The following LAMA2 variants were observed in gnomAD, a reference collection of about 807,000 sequenced individuals.
LAMA2 encodes laminin subunit alpha 2.
LAMA2 carries 269 observed loss-of-function variants against 364.8 expected under a neutral mutation model. The observed-to-expected ratio is 0.74, with a 90% CI of 0.67 to 0.82. LAMA2 has a LOEUF of 0.82. Ranked by LOEUF, LAMA2 falls within the 40% of genes least tolerant of loss-of-function variation. The probability of loss-of-function intolerance (pLI) is 0.00; values close to 1 mark genes in which losing one functional copy is unlikely to be tolerated. For missense variants in LAMA2, 3,807 were observed against 3,873.2 expected (o/e 0.98, Z 0.45); for synonymous variants, 1,379 against 1,370.6 (o/e 1.01, Z -0.14).
At chr6:129,473,668 A>G (rs540258298) in intron 52 of LAMA2, among the ~76,000 whole-genome samples, 1 of 152,164 alleles carries the variant, frequency 6.6e-6, no homozygotes, top group South Asian at 2.1e-4. Flanking sequence ...TTCTCCTTCT[A>G]CATTCACTGG....
At chr6:129,158,244 G>A (rs1476266647) in intron 8 of LAMA2, 6 of 1,614,024 alleles carry the variant, frequency 3.7e-6, no homozygotes, top group South Asian at 1.1e-5. Context: ...AATATCTGCC[G>A]CTATGAAACC....
At chr6:129,393,965 A>C (rs1265661911) in intron 37 of LAMA2, among the ~76,000 whole-genome samples, 5 of 152,226 alleles carry the variant, frequency 3.3e-5, no homozygotes, top group Admixed American at 2.0e-4. Flanking sequence ...GTTACTTCTC[A>C]ACTCAAGAAA....
At chr6:129,074,457 G>C (rs1773502828) in intron 3 of LAMA2, among the ~76,000 whole-genome samples, 1 of 152,034 alleles carries the variant, frequency 6.6e-6, no homozygotes, top group Admixed American at 6.6e-5. Flanking sequence ...TCAACTGTCA[G>C]CAAATCAATA....
intron 12 of LAMA2, among the ~76,000 whole-genome samples, chr6:129,241,941 C>T (rs1785419444): frequency 6.6e-6 from 1 of 152,146 alleles, no homozygotes; most frequent in Non-Finnish European, 1.5e-5. Context: ...ATCAATACCA[C>T]TTGGCATCAC....
At chr6:128,972,510 A>T (rs992454163) in intron 1 of LAMA2, among the ~76,000 whole-genome samples, 5 of 152,332 alleles carry the variant, frequency 3.3e-5, no homozygotes, top group African/African-American at 1.2e-4. Flanking sequence ...CAAATGATAG[A>T]CATTACTTCC....
chr6:129,394,993 A>T (rs879846445), intron 37 of LAMA2, among the ~76,000 whole-genome samples: 4 of 152,240 alleles, frequency 2.6e-5, no homozygotes, highest in African/African-American at 9.6e-5. Flanking sequence ...AATATGAATA[A>T]GGCATAGATT....
chr6:129,073,410 G>A (rs1258181722), intron 3 of LAMA2, among the ~76,000 whole-genome samples: 1 of 152,068 alleles, frequency 6.6e-6, no homozygotes, highest in Non-Finnish European at 1.5e-5. Flanking sequence ...GTGGATCAAT[G>A]TCTTTCACCA....
intron 1 of LAMA2, among the ~76,000 whole-genome samples, chr6:129,041,341 C>T (rs963637417): frequency 1.3e-5 from 2 of 152,212 alleles, no homozygotes; most frequent in Non-Finnish European, 2.9e-5. Context: ...GATTAAAGAA[C>T]TGGAAAACTG....
Position 129,481,177 on chromosome 6 carries a change from T to C in LAMA2, c.7573-86T>C. The stretch of plus-strand genomic sequence containing the variant: ...ATGATGTATTTCATAATCACATTAA[T>C]TGCATCGAGGAGGGTGAGTGAGATG... On this transcript the variant is annotated intron_variant, in intron 54 of 64. Transcript: ENST00000421865. 4 of 992,172 alleles carry C rather than the reference T, an allele frequency of 4.0e-6. No homozygotes were observed. The East Asian group carries it at 9.6e-5, about 24-fold the overall frequency. 61.5% of individuals were successfully genotyped at this position (992,172 alleles called of 1,614,324 possible).
intron 63 of LAMA2, 145 bp from the exon 64 acceptor site, chr6:129,514,228 A>G: frequency 1.4e-6 from 1 of 704,340 alleles, no homozygotes; most frequent in South Asian, 1.6e-5. Context: ...CAAGTTTTAA[A>G]ATTTTTTTCA....
intron 1 of LAMA2, among the ~76,000 whole-genome samples, chr6:128,984,520 A>T (rs1274476011): frequency 6.6e-6 from 1 of 152,146 alleles, no homozygotes; most frequent in African/African-American, 2.4e-5. Flanking sequence ...TCCAACTTTC[A>T]ACTTTGTGGA....
chr6:129,250,047 A>G (rs745416740), intron 12 of LAMA2, 65 bp from the exon 13 acceptor site: 2 of 966,456 alleles, frequency 2.1e-6, no homozygotes, highest in Non-Finnish European at 3.4e-6. Context: ...ATACAACAGT[A>G]AGTAAAATAT....
intron 32 of LAMA2, among the ~76,000 whole-genome samples, chr6:129,361,479 G>A (rs549613528): frequency 6.6e-6 from 1 of 152,338 alleles, no homozygotes; most frequent in Non-Finnish European, 1.5e-5. Context: ...TTTGGGCTGA[G>A]CTCAGTTGGA....
chr6:129,342,508 G>C, intron 30 of LAMA2, 41 bp downstream of exon 30: 1 of 1,602,786 alleles, frequency 6.2e-7, no homozygotes, highest in Non-Finnish European at 8.5e-7. Flanking sequence ...AATCAGAAAC[G>C]CCATCTGTCT....
chr6:129,063,443 A>G (rs764076978), intron 3 of LAMA2, among the ~76,000 whole-genome samples: 1 of 152,156 alleles, frequency 6.6e-6, no homozygotes, highest in Non-Finnish European at 1.5e-5. Flanking sequence ...TTTAAAATCT[A>G]GCCATTATCT....
intron 12 of LAMA2, among the ~76,000 whole-genome samples, chr6:129,216,116 A>C (rs1783409136): frequency 6.6e-6 from 1 of 152,338 alleles, no homozygotes; most frequent in African/African-American, 2.4e-5. Context: ...CAAATGATGG[A>C]TAGCCACAAA....
Position 129,491,952 on chromosome 6 carries a change from A to C in LAMA2, c.7950A>C (p.Thr2650=), listed in dbSNP as rs1157654012. The change falls in exon 57 of 65, where the codon ACA becomes ACC. Residue 2650 remains threonine, a synonymous_variant. Transcript: ENST00000421865. The part of the protein sequence containing the change: ...DENRRYMQNL[T]VEQPIEVKKL... ...ACAGAAGATACATGCAAAACCTGAC[A>C]GTTGAACAGCCTATCGAAGTTAAAA... is the stretch of plus-strand genomic sequence containing the variant. 2 of 1,613,852 alleles carry C rather than the reference A, an allele frequency of 1.2e-6. No individual in the cohort carries two copies. The highest frequency in any genetic ancestry group is 1.3e-5 in the African/African-American group (1 of 74,938).
At chr6:129,207,468 C>T (rs1022854038) in intron 12 of LAMA2, among the ~76,000 whole-genome samples, 20 of 152,076 alleles carry the variant, frequency 1.3e-4, no homozygotes, top group African/African-American at 4.6e-4. Flanking sequence ...CATCCTATTA[C>T]ATTTCACATT....
chr6:128,950,651 A>G (rs578153733), intron 1 of LAMA2, among the ~76,000 whole-genome samples: 7 of 152,218 alleles, frequency 4.6e-5, no homozygotes, highest in African/African-American at 1.4e-4. Context: ...CAGTCAAGTT[A>G]TGTCACCTCT....
Sources: gnomAD v4.1 joint callset for allele counts (sites outside exome capture counted in the v4.1 genomes callset) on GRCh38, gnomAD v4.1.1 for gene constraint, MANE v1.5 for transcripts, NCBI Gene and HGNC (gene_info 2026-07-23, HGNC 2026-07-21) for gene names.